TEC: variants seen among roughly 807,000 people sequenced by gnomAD.
TEC encodes the protein tec protein tyrosine kinase.
A neutral mutation model predicts 93.0 loss-of-function variants in TEC; 72 were observed. The ratio of observed to expected loss-of-function variants is 0.77; its 90% CI spans 0.64 to 0.94. The LOEUF (loss-of-function observed/expected upper bound fraction) is 0.94. TEC is among the 40% of genes least tolerant of loss of function. The probability of loss-of-function intolerance (pLI) is 0.00; values close to 1 mark genes in which losing one functional copy is unlikely to be tolerated. For synonymous variants in TEC, 249 were observed against 247.7 expected, an observed-to-expected ratio of 1.01 and a Z score of -0.05; for missense variants, 630 against 757.9, an observed-to-expected ratio of 0.83 and a Z score of 1.98.
chr4:48,232,650 T>G (rs564991530), intron 1 of TEC, among the ~76,000 whole-genome samples: 1 of 152,360 alleles, frequency 6.6e-6, no homozygotes, highest in East Asian at 1.9e-4. Flanking sequence ...CAGCCAAAGA[T>G]AGAGTGTTGA....
At chr4:48,268,477 T>C (rs1420366630) in intron 1 of TEC, among the ~76,000 whole-genome samples, 2 of 152,258 alleles carry the variant, frequency 1.3e-5, no homozygotes, top group Admixed American at 6.5e-5. Context: ...TCCGTAAACA[T>C]TGAAAATGTA....
intron 2 of TEC, among the ~76,000 whole-genome samples, chr4:48,201,927 G>A (rs1249959724): frequency 1.3e-5 from 2 of 151,548 alleles, no homozygotes; most frequent in East Asian, 3.9e-4. Context: ...GCCCCAGGCT[G>A]CCAGATTCCA....
chr4:48,258,159 TGAGAAGGAA>T (rs1724394935), intron 1 of TEC, among the ~76,000 whole-genome samples: 1 of 151,096 alleles, frequency 6.6e-6, no homozygotes, highest in Non-Finnish European at 1.5e-5. Context: ...TTTTTTTTTT[TGAGAAGGAA>T]TCTCACTCTG....
intron 1 of TEC, among the ~76,000 whole-genome samples, chr4:48,245,801 A>C (rs1560423965): frequency 6.6e-6 from 1 of 152,152 alleles, no homozygotes. Context: ...AAAATAGCTG[A>C]AGAGCTACAT....
Position 48,212,098 on chromosome 4 carries a change from C to CAAAAAAAAAAAAA in TEC, c.138+16366_138+16378dup, listed in dbSNP as rs59441112. On this transcript the variant is annotated intron_variant, in intron 2 of 17. Transcript: ENST00000381501. ...TGGGTGACAGAGTGAGACTCTGTCT[C>CAAAAAAAAAAAAA]AAAAAAAAAAAAATATATATATATA... Among the ~76,000 whole-genome samples the CAAAAAAAAAAAAA allele has an allele frequency of 3.5e-3, 300 of 86,306 alleles. 1 individual carries two copies. The highest frequency in any genetic ancestry group is 0.012 in the African/African-American group (250 of 21,726). The allele number at this position is 86,306 out of a possible 152,430, so 56.6% of individuals were successfully genotyped here.
chr4:48,249,856 T>A (rs993405123), intron 1 of TEC, among the ~76,000 whole-genome samples: 2 of 152,222 alleles, frequency 1.3e-5, no homozygotes, highest in Non-Finnish European at 2.9e-5. Flanking sequence ...AAGTAGACAC[T>A]AATATTTTAA....
chr4:48,158,784 G>T (rs1345343494), intron 8 of TEC, among the ~76,000 whole-genome samples: 1 of 152,116 alleles, frequency 6.6e-6, no homozygotes, highest in Non-Finnish European at 1.5e-5. Context: ...ACTGTTTCCA[G>T]CTCCTCAGAA....
intron 2 of TEC, among the ~76,000 whole-genome samples, chr4:48,213,507 GTCC>G (rs1452307218): frequency 6.6e-6 from 1 of 152,114 alleles, no homozygotes; most frequent in Non-Finnish European, 1.5e-5. Context: ...AACATCAGAA[GTCC>G]TCCTAAAAAA....
At chr4:48,192,783 C>T (rs1722137946) in intron 2 of TEC, among the ~76,000 whole-genome samples, 1 of 152,112 alleles carries the variant, frequency 6.6e-6, no homozygotes, top group South Asian at 2.1e-4. Context: ...AAGAACTCAC[C>T]CATCCATTTG....
chr4:48,188,902 T>C (rs998449416), intron 2 of TEC, among the ~76,000 whole-genome samples: 2 of 152,182 alleles, frequency 1.3e-5, no homozygotes, highest in Non-Finnish European at 2.9e-5. Context: ...CGCCCATGCA[T>C]ATGCGCGCAC....
At position 48,143,343 on chromosome 4, in the gene TEC, G is replaced by GT. The variant is rs138108704; in HGVS notation, c.1470+1735dup. ...GCCAAAACATCATCTGTGTGGACAGGTGTAATCTGCCACACCCACGTAGAT... is the reference window on the plus strand; with the variant it reads ...GCCAAAACATCATCTGTGTGGACAGGTTGTAATCTGCCACACCCACGTAGAT... On this transcript the variant is annotated intron_variant, in intron 14 of 17. Coordinates refer to ENST00000381501, the MANE Select transcript of TEC (RefSeq NM_003215.3). Among the ~76,000 whole-genome samples, 155 of 152,274 alleles carry GT rather than the reference G, an allele frequency of 1.0e-3. 2 individuals are homozygous for GT. The East Asian group carries it at 0.028, about 27-fold the overall frequency.
intron 12 of TEC, 38 bp from the exon 13 acceptor site, chr4:48,145,617 G>T: frequency 6.2e-7 from 1 of 1,605,230 alleles, no homozygotes; most frequent in Non-Finnish European, 8.5e-7. Flanking sequence ...TATTTAAAAA[G>T]GAAAATGTAG....
At chr4:48,186,385 C>G (rs888058127) in intron 2 of TEC, among the ~76,000 whole-genome samples, 2 of 149,534 alleles carry the variant, frequency 1.3e-5, no homozygotes, top group Non-Finnish European at 3.0e-5. Flanking sequence ...CGCCTCTTCC[C>G]GGCCGCCATC....
chr4:48,140,342 T>A (rs969668054), intron 15 of TEC, among the ~76,000 whole-genome samples: 1 of 152,148 alleles, frequency 6.6e-6, no homozygotes, highest in Admixed American at 6.6e-5. Flanking sequence ...CTACCTGAAA[T>A]AGTTTATCCT....
intron 2 of TEC, among the ~76,000 whole-genome samples, chr4:48,210,479 C>T (rs1480625789): frequency 1.4e-5 from 2 of 140,832 alleles, no homozygotes; most frequent in Non-Finnish European, 3.0e-5. Context: ...AATGAGACTG[C>T]CTCTTTATAA....
chr4:48,146,082 T>A (rs2109509755), intron 12 of TEC, among the ~76,000 whole-genome samples: 1 of 152,342 alleles, frequency 6.6e-6, no homozygotes, highest in South Asian at 2.1e-4. Context: ...TTTGATTTAT[T>A]TTAGATGTTA....
At chr4:48,181,100 T>C (rs1191732377) in intron 2 of TEC, among the ~76,000 whole-genome samples, 1 of 151,744 alleles carries the variant, frequency 6.6e-6, no homozygotes, top group Non-Finnish European at 1.5e-5. Flanking sequence ...CCATGAATCA[T>C]GAGAAGGAAC....
chr4:48,199,310 G>A (rs1722409296), intron 2 of TEC, among the ~76,000 whole-genome samples: 1 of 152,024 alleles, frequency 6.6e-6, no homozygotes, highest in African/African-American at 2.4e-5. Context: ...AAACTACCCA[G>A]GCAAACATCT....
chr4:48,161,322 C>T (rs1720645906), intron 8 of TEC, among the ~76,000 whole-genome samples: 1 of 149,908 alleles, frequency 6.7e-6, no homozygotes, highest in Non-Finnish European at 1.5e-5. Context: ...GTCCTAAGGG[C>T]GCTTTCATTT....
Sources: allele counts gnomAD v4.1 joint callset (sites outside exome capture counted in the v4.1 genomes callset), GRCh38; gene constraint gnomAD v4.1.1; transcripts MANE v1.5; gene names NCBI Gene and HGNC (gene_info 2026-07-23, HGNC 2026-07-21).